Variants in CCBE1 observed in about 807,000 individuals in gnomAD.
CCBE1 encodes the protein collagen and calcium binding EGF domains 1.
In CCBE1, 37 loss-of-function variants were observed where a neutral mutation model predicts 50.0. The observed-to-expected ratio is 0.74, with a 90% confidence interval of 0.57 to 0.97. CCBE1 has a LOEUF of 0.97. CCBE1 is among the 50% of genes least tolerant of loss of function. CCBE1 has a pLI of 0.00. For synonymous variants in CCBE1, 234 were observed against 203.7 expected (o/e 1.15, Z -1.27); for missense variants, 538 against 523.8 (o/e 1.03, Z -0.26).
chr18:59,460,721 C>T (rs7237349), intron 5 of CCBE1, among the ~76,000 whole-genome samples: 28,362 of 151,990 alleles, frequency 0.19, 2,759 homozygotes, highest in Admixed American at 0.21. Flanking sequence ...CGCCTGAGAT[C>T]GGGAGTTCGA....
chr18:59,599,174 G>GA (rs1182211400), intron 2 of CCBE1, among the ~76,000 whole-genome samples: 1 of 152,130 alleles, frequency 6.6e-6, no homozygotes, highest in East Asian at 1.9e-4. Flanking sequence ...ATGAGAGGAA[G>GA]CAAGAAGGAA....
At chr18:59,473,582 TTC>T (rs869171340) in intron 3 of CCBE1, among the ~76,000 whole-genome samples, 1,295 of 3,962 alleles carry the variant, frequency 0.33, 21 homozygotes, top group African/African-American at 0.46. Context: ...ATCTTTTTTT[TTC>T]CCTATTGTTA....
rs61226521 is a variant in CCBE1, at chr18:59,658,879, C to CAAAAAAA, written c.212+37743_212+37749dup. Among the ~76,000 whole-genome samples, 52 of 54,744 alleles carry CAAAAAAA rather than the reference C, an allele frequency of 9.5e-4. 4 individuals are homozygous for CAAAAAAA. Among genetic ancestry groups the CAAAAAAA allele is most frequent in the African/African-American group, 3.1e-3 (48 of 15,400 alleles). 35.9% of individuals were successfully genotyped at this position (54,744 alleles called of 152,430 possible). A position where few individuals can be genotyped will look rare whatever the true frequency, so the allele number is the denominator to read the frequency against. On this transcript the variant is annotated intron_variant, in intron 2 of 10. Transcript: ENST00000439986. ...TGGGCAACAGAGCAAGACTCTGTCT[C>CAAAAAAA]AAAAAAAAAAAAAAAAAAAAAAAAA... is the stretch of plus-strand genomic sequence containing the variant.
At chr18:59,627,855 T>C (rs2053806641) in intron 2 of CCBE1, among the ~76,000 whole-genome samples, 1 of 152,238 alleles carries the variant, frequency 6.6e-6, no homozygotes. Context: ...GCCTTAAGTT[T>C]GTTACAGCAA....
intron 2 of CCBE1, 139 bp downstream of exon 2, chr18:59,696,490 C>A: frequency 6.5e-7 from 1 of 1,531,900 alleles, no homozygotes; most frequent in Non-Finnish European, 8.8e-7. Flanking sequence ...ATTCGCACCG[C>A]GCGGCACGCA....
chr18:59,447,997 C>A lies in CCBE1; in HGVS notation c.761G>T (p.Gly254Val), dbSNP rs763945366. The A allele has an allele frequency of 1.2e-6, 2 of 1,613,416 alleles. No homozygotes were observed. The highest frequency in any genetic ancestry group is 1.7e-5 in the Admixed American group (1 of 60,004). The part of the protein sequence containing the change: ...YLPGPPGLPG[G>V]QGPPGSPGPK... ...TCCACACTCACCGGGAGGGCCCTGG[C>A]CCCCAGGCAGGCCAGGAGGTCCTGG... The change falls in exon 7 of 11, where the codon GGC becomes GTC. Residue 254 changes from glycine (G) to valine (V), a missense_variant. Physicochemically the swap from Gly to Val is moderately radical, Grantham distance 109. Coordinates refer to ENST00000439986, the MANE Select transcript of CCBE1 (RefSeq NM_133459.4).
intron 2 of CCBE1, among the ~76,000 whole-genome samples, chr18:59,526,309 ATT>A (rs35895583): frequency 9.3e-4 from 121 of 130,120 alleles, no homozygotes; most frequent in Admixed American, 1.8e-3. Context: ...CTGATTTGAG[ATT>A]TTTTTTTTTT....
At position 59,536,467 on chromosome 18, in the gene CCBE1, A is replaced by G. The variant is rs375496811; in HGVS notation, c.213-56229T>C. Among the ~76,000 whole-genome samples the G allele has an allele frequency of 1.1e-4, 16 of 152,348 alleles. 1 individual carries two copies. In the South Asian group the frequency reaches 3.3e-3, roughly 32 times the overall value. ...ACGGGCTTGTATTTGGAAATACCGAAGACAATTTCAAAAAGATTTCTATGT... is the reference window on the plus strand; with the variant it reads ...ACGGGCTTGTATTTGGAAATACCGAGGACAATTTCAAAAAGATTTCTATGT... On this transcript the variant is annotated intron_variant, in intron 2 of 10. Transcript: ENST00000439986.
intron 2 of CCBE1, among the ~76,000 whole-genome samples, chr18:59,549,766 A>G (rs1915846684): frequency 6.6e-6 from 1 of 152,222 alleles, no homozygotes; most frequent in Non-Finnish European, 1.5e-5. Context: ...CTTATAATCT[A>G]CAGCTGCTAT....
chr18:59,576,772 C>G (rs1289436171), intron 2 of CCBE1, among the ~76,000 whole-genome samples: 1 of 152,228 alleles, frequency 6.6e-6, no homozygotes, highest in Non-Finnish European at 1.5e-5. Context: ...CACAGAGGAG[C>G]TGAAATGCAT....
rs753162713 is a variant in CCBE1 at position 59,448,077 on chromosome 18, A to T, written c.681T>A (p.Ala227=). ...QKIALLPNNA[A]DLGKYITGDK... ...CACCAGTGATATACTTGCCCAGGTC[A>T]GCTGCATTGTTGGGGAGCAGAGCAA... The change falls in exon 7 of 11, where the codon GCT becomes GCA. Residue 227 remains alanine (A), a synonymous_variant. Transcript: ENST00000439986. 6.2e-6 allele frequency: 10 copies of T among 1,613,994 alleles called. No individual in the cohort carries two copies. In the East Asian group the frequency reaches 2.2e-4, roughly 36 times the overall value.
intron 2 of CCBE1, among the ~76,000 whole-genome samples, chr18:59,661,439 A>G (rs8093323): frequency 0.42 from 63,090 of 151,980 alleles, 14,372 homozygotes; most frequent in African/African-American, 0.61. Context: ...GATGCCAGAC[A>G]TTTAATTCTT....
intron 4 of CCBE1, among the ~76,000 whole-genome samples, chr18:59,469,248 G>A (rs1054073876): frequency 6.6e-6 from 1 of 152,140 alleles, no homozygotes; most frequent in Non-Finnish European, 1.5e-5. Context: ...CTGCTCTTAT[G>A]TCTCATTGCC....
At chr18:59,478,993 A>G (rs918353106) in intron 3 of CCBE1, among the ~76,000 whole-genome samples, 8 of 152,206 alleles carry the variant, frequency 5.3e-5, no homozygotes, top group African/African-American at 1.9e-4. Context: ...CTATGGTTCA[A>G]TGAACTGTCC....
chr18:59,583,048 G>A (rs761328998), intron 2 of CCBE1, among the ~76,000 whole-genome samples: 17 of 151,880 alleles, frequency 1.1e-4, no homozygotes, highest in Non-Finnish European at 2.4e-4. Context: ...TGAACTCCTG[G>A]GCTTAAGTGA....
intron 2 of CCBE1, among the ~76,000 whole-genome samples, chr18:59,554,363 A>G (rs1300990728): frequency 1.3e-5 from 2 of 151,990 alleles, no homozygotes; most frequent in Non-Finnish European, 2.9e-5. Context: ...CTCTTTCATG[A>G]TTTTCTACCT....
intron 4 of CCBE1, among the ~76,000 whole-genome samples, chr18:59,468,148 G>C (rs750050755): frequency 6.6e-6 from 1 of 152,206 alleles, no homozygotes; most frequent in Non-Finnish European, 1.5e-5. Flanking sequence ...AGCGCTTTGG[G>C]GGGGCCAAGA....
chr18:59,538,626 G>T (rs764374609), intron 2 of CCBE1, among the ~76,000 whole-genome samples: 1 of 152,182 alleles, frequency 6.6e-6, no homozygotes, highest in Admixed American at 6.5e-5. Context: ...AATGCCTGAC[G>T]TGAGGAGGGA....
chr18:59,478,020 T>C (rs541598783), intron 3 of CCBE1, among the ~76,000 whole-genome samples: 40 of 152,146 alleles, frequency 2.6e-4, no homozygotes, highest in Admixed American at 8.5e-4. Flanking sequence ...GTAAATCAGA[T>C]GACCCTCCAT....
Sources: gnomAD v4.1 joint callset for allele counts (sites outside exome capture counted in the v4.1 genomes callset) on GRCh38, gnomAD v4.1.1 for gene constraint, MANE v1.5 for transcripts, NCBI Gene and HGNC (gene_info 2026-07-23, HGNC 2026-07-21) for gene names.